ZNF385B: variants seen among roughly 807,000 people sequenced by gnomAD.
The protein encoded by ZNF385B is zinc finger protein 385B.
Under a neutral mutation model 39.2 loss-of-function variants are expected in ZNF385B, and 23 were observed. That is an observed-to-expected ratio of 0.59 (90% CI 0.42 to 0.83). ZNF385B has a LOEUF of 0.83. Among genes scored for constraint, ZNF385B ranks in the 40% least tolerant of loss-of-function variants. ZNF385B has a pLI of 0.00. For missense variants in ZNF385B, 552 were observed against 598.9 expected, an observed-to-expected ratio of 0.92 and a Z score of 0.82; for synonymous variants, 205 against 222.6, an observed-to-expected ratio of 0.92 and a Z score of 0.70.
intron 1 of ZNF385B, among the ~76,000 whole-genome samples, chr2:179,835,031 A>G (rs1445615131): frequency 6.6e-6 from 1 of 152,216 alleles, no homozygotes; most frequent in Non-Finnish European, 1.5e-5. Context: ...AGGAGACTAA[A>G]GAAATAGGAC....
chr2:179,607,679 A>C (rs1283600681), intron 3 of ZNF385B, among the ~76,000 whole-genome samples: 1 of 152,156 alleles, frequency 6.6e-6, no homozygotes, highest in Non-Finnish European at 1.5e-5. Context: ...TCAGGGAGTC[A>C]GGGAGTACTC....
chr2:179,590,055 G>C (rs1412807819), intron 3 of ZNF385B, among the ~76,000 whole-genome samples: 1 of 152,214 alleles, frequency 6.6e-6, no homozygotes. Flanking sequence ...GCTATTGTGT[G>C]GGGTCTGTAT....
intron 3 of ZNF385B, among the ~76,000 whole-genome samples, chr2:179,597,537 A>G (rs1217908595): frequency 6.6e-6 from 1 of 152,180 alleles, no homozygotes; most frequent in African/African-American, 2.4e-5. Context: ...TACTCTTGAA[A>G]TTATGATTTC....
intron 3 of ZNF385B, among the ~76,000 whole-genome samples, chr2:179,760,160 T>C (rs1439133903): frequency 6.6e-6 from 1 of 151,870 alleles, no homozygotes; most frequent in Non-Finnish European, 1.5e-5. Flanking sequence ...ATCAGGATAT[T>C]GACATTGATC....
At chr2:179,621,098 G>T (rs913053592) in intron 3 of ZNF385B, among the ~76,000 whole-genome samples, 1 of 151,820 alleles carries the variant, frequency 6.6e-6, no homozygotes, top group Admixed American at 6.6e-5. Context: ...AATATATCAG[G>T]GTCTACACTG....
chr2:179,750,130 T>C (rs191212162), intron 3 of ZNF385B, among the ~76,000 whole-genome samples: 1 of 152,296 alleles, frequency 6.6e-6, no homozygotes, highest in East Asian at 1.9e-4. Flanking sequence ...GCCAAGTCTA[T>C]GTCAGGTATA....
intron 1 of ZNF385B, among the ~76,000 whole-genome samples, chr2:179,860,475 T>C (rs1038254104): frequency 2.0e-5 from 3 of 152,048 alleles, no homozygotes; most frequent in Non-Finnish European, 4.4e-5. Flanking sequence ...CCTTCCGCAG[T>C]CCCACAGTGT....
At chr2:179,745,666 T>C in intron 3 of ZNF385B, 1 of 1,484,836 alleles carries the variant, frequency 6.7e-7, no homozygotes. Context: ...AATCTGTTAC[T>C]GACATCCCAG....
intron 1 of ZNF385B, among the ~76,000 whole-genome samples, chr2:179,840,770 G>A (rs750222424): frequency 5.9e-5 from 9 of 152,054 alleles, no homozygotes; most frequent in Non-Finnish European, 1.0e-4. Flanking sequence ...TCTTCTCTCT[G>A]CCAATGCATT....
intron 3 of ZNF385B, among the ~76,000 whole-genome samples, chr2:179,577,526 C>T (rs1685976619): frequency 6.6e-6 from 1 of 152,070 alleles, no homozygotes; most frequent in Admixed American, 6.6e-5. Context: ...ATTGCCCATG[C>T]ATGCCCAGTA....
chr2:179,573,953 A>G (rs1685521610), intron 3 of ZNF385B, among the ~76,000 whole-genome samples: 1 of 152,208 alleles, frequency 6.6e-6, no homozygotes, highest in Non-Finnish European at 1.5e-5. Context: ...AACTTGATAA[A>G]AAGTATAGCA....
At chr2:179,711,085 G>A (rs1031660837) in intron 3 of ZNF385B, among the ~76,000 whole-genome samples, 1 of 152,208 alleles carries the variant, frequency 6.6e-6, no homozygotes, top group East Asian at 1.9e-4. Context: ...GTAGTGGGAT[G>A]TGCACCATTC....
intron 6 of ZNF385B, among the ~76,000 whole-genome samples, chr2:179,462,499 C>G (rs565987826): frequency 4.0e-5 from 6 of 151,764 alleles, no homozygotes; most frequent in Admixed American, 1.3e-4. Context: ...ACACATTTGA[C>G]AAAATACAAC....
At chr2:179,670,754 C>T (rs572095838) in intron 3 of ZNF385B, among the ~76,000 whole-genome samples, 1 of 152,286 alleles carries the variant, frequency 6.6e-6, no homozygotes, top group South Asian at 2.1e-4. Context: ...TTAGGGGGTA[C>T]ATACAGTCTA....
At position 179,830,389 on chromosome 2, in the gene ZNF385B, A is replaced by C. The variant is rs561345230; in HGVS notation, c.-155+30712T>G. ...GCACTCCTGGATATTTACTTAAATG[A>C]GTTGATAATTTATGTCCACACAAAA... On this transcript the variant is annotated intron_variant, in intron 1 of 9. Transcript: ENST00000410066. 3.3e-5 allele frequency among the ~76,000 whole-genome samples: 5 copies of C among 152,238 alleles called. No homozygotes were observed. In the South Asian group the frequency reaches 1.0e-3, roughly 31 times the overall value.
At chr2:179,690,203 G>C (rs1372191727) in intron 3 of ZNF385B, among the ~76,000 whole-genome samples, 1 of 152,148 alleles carries the variant, frequency 6.6e-6, no homozygotes, top group African/African-American at 2.4e-5. Context: ...CCTTCCTAGA[G>C]ATGACAGAGG....
chr2:179,775,321 A>C (rs990283917), intron 1 of ZNF385B, among the ~76,000 whole-genome samples: 8 of 152,206 alleles, frequency 5.3e-5, no homozygotes, highest in African/African-American at 1.9e-4. Flanking sequence ...TAAAATTAAG[A>C]ACCTTAAAAA....
At chr2:179,466,549 C>T (rs985336209) in intron 6 of ZNF385B, among the ~76,000 whole-genome samples, 10 of 152,026 alleles carry the variant, frequency 6.6e-5, no homozygotes, top group Admixed American at 2.0e-4. Context: ...TCTATATAGT[C>T]AATATTAAAT....
At chr2:179,635,854 T>C (rs1691703884) in intron 3 of ZNF385B, among the ~76,000 whole-genome samples, 1 of 152,166 alleles carries the variant, frequency 6.6e-6, no homozygotes, top group South Asian at 2.1e-4. Flanking sequence ...AAATTTTTGA[T>C]AGTTGGAACA....
Sources: gnomAD v4.1 joint callset for allele counts (sites outside exome capture counted in the v4.1 genomes callset) on GRCh38, gnomAD v4.1.1 for gene constraint, MANE v1.5 for transcripts, NCBI Gene and HGNC (gene_info 2026-07-23, HGNC 2026-07-21) for gene names.